Variants in EFHB observed in about 807,000 individuals in gnomAD.
EFHB encodes EF-hand domain family member B.
A neutral mutation model predicts 87.2 loss-of-function variants in EFHB; 91 were observed. The observed-to-expected ratio is 1.04, with a 90% CI of 0.88 to 1.24. EFHB has a LOEUF of 1.24. Ranked by LOEUF, EFHB falls within the 50% of genes most tolerant of loss-of-function variation. The pLI is 0.00. For synonymous variants in EFHB, 325 were observed against 333.6 expected (o/e 0.97, Z 0.28); for missense variants, 1,084 against 998.8 (o/e 1.09, Z -1.15).
At chr3:19,939,174 T>TG (rs112368369), upstream of EFHB, among the ~76,000 whole-genome samples, 44,794 of 151,726 alleles carry the variant, frequency 0.3, 6,778 homozygotes, top group Middle Eastern at 0.41. Context: ...CCCAAAGTGC[T>TG]GGATTACATG....
intron 4 of EFHB, 132 bp downstream of exon 4, chr3:19,918,100 A>G (rs964652814): frequency 9.7e-7 from 1 of 1,031,932 alleles, no homozygotes; most frequent in Non-Finnish European, 1.4e-6. Flanking sequence ...TTCTTGCAAC[A>G]ATCCCATCTT....
chr3:19,885,722 C>T lies in EFHB; in HGVS notation c.1934-1107G>A, dbSNP rs569297329. Among the ~76,000 whole-genome samples, 56 of 152,242 alleles carry T rather than the reference C, an allele frequency of 3.7e-4. No individual in the cohort carries two copies. The South Asian group carries it at 5.6e-3, about 15-fold the overall frequency. On this transcript the variant is annotated intron_variant, in intron 10 of 12. Transcript: ENST00000295824. ...AGAAAAGACTTACGTCTCTGAAGAA[C>T]GCATTCCTCCCCGCAACCCCACCTC... is the stretch of plus-strand genomic sequence containing the variant.
intron 3 of EFHB, among the ~76,000 whole-genome samples, chr3:19,918,979 C>CAAA (rs11356910): frequency 1.2e-3 from 91 of 75,896 alleles, no homozygotes; most frequent in Non-Finnish European, 1.4e-3. Context: ...GACTCAGTCT[C>CAAA]AAAAAAAAAA....
At chr3:19,893,237 A>G (rs1439863725) in intron 9 of EFHB, among the ~76,000 whole-genome samples, 2 of 152,176 alleles carry the variant, frequency 1.3e-5, no homozygotes, top group Non-Finnish European at 2.9e-5. Flanking sequence ...CACCATGCCC[A>G]GCCCATATTC....
chr3:19,908,926 G>A (rs139552736), intron 5 of EFHB, among the ~76,000 whole-genome samples: 6 of 152,096 alleles, frequency 3.9e-5, no homozygotes, highest in African/African-American at 1.2e-4. Flanking sequence ...TTTAATGGCT[G>A]AATGGATGGG....
At chr3:19,936,347 A>G, upstream of EFHB, 1 of 549,012 alleles carries the variant, frequency 1.8e-6, no homozygotes, top group Admixed American at 3.3e-5. Flanking sequence ...GAAAAAAAAA[A>G]AAGTCCAGGA....
chr3:19,901,908 C>T (rs1414118443), intron 6 of EFHB, among the ~76,000 whole-genome samples: 1 of 151,532 alleles, frequency 6.6e-6, no homozygotes, highest in Non-Finnish European at 1.5e-5. Flanking sequence ...CAAGATCACA[C>T]CACTGCACTC....
At position 19,884,511 on chromosome 3, in the gene EFHB, T is replaced by C. The variant is rs1055115313; in HGVS notation, c.2038A>G (p.Thr680Ala). The change falls in exon 11 of 13, where the codon ACA (threonine) becomes GCA (alanine). Residue 680 changes from threonine to alanine, a missense_variant. Physicochemically the swap from Thr to Ala is moderately conservative, Grantham distance 58. Coordinates refer to ENST00000295824, the MANE Select transcript of EFHB (RefSeq NM_144715.4). The stretch of plus-strand genomic sequence containing the variant: ...AGAAGTGTCCGGAGAGTCTTTTCTG[T>C]GCTTCCTGCTTCTTTTAAGACAATA... Reference protein sequence around the residue: ...EDIVLKEAGSTEKTLRTLLRP... With the variant: ...EDIVLKEAGSAEKTLRTLLRP... The C allele has an allele frequency of 1.2e-6, 2 of 1,613,896 alleles. No homozygotes were observed. Among genetic ancestry groups the C allele is most frequent in the African/African-American group, 2.7e-5 (2 of 74,928 alleles).
chr3:19,901,015 G>T (rs1310487558), intron 6 of EFHB, among the ~76,000 whole-genome samples: 2 of 152,056 alleles, frequency 1.3e-5, no homozygotes, highest in Non-Finnish European at 2.9e-5. Flanking sequence ...GAATCAAAAT[G>T]TTCAGTTGTG....
chr3:19,940,037 T>C (rs1026995821), intron 1 of EFHB, among the ~76,000 whole-genome samples: 1 of 152,190 alleles, frequency 6.6e-6, no homozygotes, highest in African/African-American at 2.4e-5. Flanking sequence ...GACTACTCAA[T>C]TTCCTGCCCC....
At chr3:19,937,576 C>A (rs1258832078), upstream of EFHB, among the ~76,000 whole-genome samples, 4 of 152,128 alleles carry the variant, frequency 2.6e-5, no homozygotes, top group Admixed American at 2.6e-4. Flanking sequence ...GCTTGACTCA[C>A]ATTTTCTGTT....
intron 12 of EFHB, among the ~76,000 whole-genome samples, chr3:19,880,121 A>T (rs962932631): frequency 2.6e-5 from 4 of 152,180 alleles, no homozygotes; most frequent in African/African-American, 7.2e-5. Flanking sequence ...AATTTAAGTA[A>T]AAAGAGTGAA....
At chr3:19,924,884 GAAAT>G (rs570086159) in intron 1 of EFHB, among the ~76,000 whole-genome samples, 153 of 152,118 alleles carry the variant, frequency 1.0e-3, no homozygotes, top group Non-Finnish European at 1.8e-3. Context: ...TAAAAAAAAA[GAAAT>G]AAAGATCTGG....
At chr3:19,908,602 A>G (rs9854502) in intron 5 of EFHB, among the ~76,000 whole-genome samples, 4,480 of 74,928 alleles carry the variant, frequency 0.06, 115 homozygotes, top group Non-Finnish European at 0.081. Flanking sequence ...GAGAGAGAGA[A>G]AGAAAGAAAG....
At chr3:19,916,153 G>A (rs905647171) in intron 4 of EFHB, among the ~76,000 whole-genome samples, 1 of 152,074 alleles carries the variant, frequency 6.6e-6, no homozygotes, top group African/African-American at 2.4e-5. Context: ...TGCCCTGTGG[G>A]GTAGCCATGG....
At chr3:19,885,556 G>T (rs1365948161) in intron 10 of EFHB, among the ~76,000 whole-genome samples, 1 of 152,184 alleles carries the variant, frequency 6.6e-6, no homozygotes, top group Non-Finnish European at 1.5e-5. Flanking sequence ...TTCAGATCTG[G>T]TTACTACATA....
intron 5 of EFHB, among the ~76,000 whole-genome samples, chr3:19,909,470 C>A (rs1694982761): frequency 6.6e-6 from 1 of 152,212 alleles, no homozygotes; most frequent in Non-Finnish European, 1.5e-5. Context: ...TCCAAGTAAC[C>A]TTGAAAGGCA....
chr3:19,941,044 A>C, intron 1 of EFHB: 1 of 342,316 alleles, frequency 2.9e-6, no homozygotes, highest in Non-Finnish European at 5.5e-6. Flanking sequence ...GCCAGACAGA[A>C]TGGCTGCTTG....
At chr3:19,899,293 A>T (rs1694589508) in intron 7 of EFHB, 139 bp downstream of exon 7, 1 of 622,244 alleles carries the variant, frequency 1.6e-6, no homozygotes, top group Non-Finnish European at 2.5e-6. Context: ...AGATATTAAC[A>T]GATTAACTGA....
Sources: allele counts gnomAD v4.1 joint callset (sites outside exome capture counted in the v4.1 genomes callset), GRCh38; gene constraint gnomAD v4.1.1; transcripts MANE v1.5; gene names NCBI Gene and HGNC (gene_info 2026-07-23, HGNC 2026-07-21).